MRTFB: variants seen among roughly 807,000 people sequenced by gnomAD.
MRTFB encodes myocardin related transcription factor B.
Under a neutral mutation model 104.2 loss-of-function variants are expected in MRTFB, and 29 were observed. The ratio of observed to expected loss-of-function variants is 0.28; its 90% CI spans 0.21 to 0.38. MRTFB has a LOEUF of 0.38. MRTFB is among the 10% of genes least tolerant of loss of function. MRTFB has a pLI of 1.00. For missense variants in MRTFB, 1,270 were observed against 1,341.6 expected, an observed-to-expected ratio of 0.95 and a Z score of 0.83; for synonymous variants, 535 against 519.5, an observed-to-expected ratio of 1.03 and a Z score of -0.41.
chr16:14,063,899 T>C, the MRTFB span, among the ~76,000 whole-genome samples: 8 of 152,240 alleles, frequency 5.3e-5, no homozygotes, highest in Non-Finnish European at 7.3e-5. Flanking sequence ...AGGTTGATTC[T>C]GTGTCTTTGC....
At chr16:14,223,872 TAAC>T (rs1010260913) in intron 8 of MRTFB, among the ~76,000 whole-genome samples, 12 of 152,198 alleles carry the variant, frequency 7.9e-5, no homozygotes, top group South Asian at 2.1e-4. Context: ...ATGCTTTGCT[TAAC>T]AACAAGGATA....
At chr16:14,146,610 G>A (rs1357878829) in intron 3 of MRTFB, among the ~76,000 whole-genome samples, 1 of 152,186 alleles carries the variant, frequency 6.6e-6, no homozygotes, top group Non-Finnish European at 1.5e-5. Flanking sequence ...ACAGTCAGGT[G>A]AACTTTGCCT....
chr16:14,100,023 A>G (rs1205936695), intron 2 of MRTFB, among the ~76,000 whole-genome samples: 2 of 152,134 alleles, frequency 1.3e-5, no homozygotes, highest in African/African-American at 2.4e-5. Flanking sequence ...TTGGATTTTC[A>G]TAATCATGTT....
chr16:14,025,355 T>C, the MRTFB span, among the ~76,000 whole-genome samples: 1 of 152,194 alleles, frequency 6.6e-6, no homozygotes, highest in East Asian at 1.9e-4. Context: ...TATCAATTTT[T>C]TTATTTTTTG....
At chr16:14,168,673 T>G (rs544766623) in intron 3 of MRTFB, among the ~76,000 whole-genome samples, 4 of 152,254 alleles carry the variant, frequency 2.6e-5, no homozygotes, top group Non-Finnish European at 5.9e-5. Flanking sequence ...CTGAGGCTAG[T>G]ATTAATAAAG....
At chr16:14,186,901 A>G (rs1251973342) in intron 3 of MRTFB, 3 of 1,598,186 alleles carry the variant, frequency 1.9e-6, no homozygotes, top group African/African-American at 2.7e-5. Flanking sequence ...GCCTGTCTTC[A>G]GAAGCCTCTC....
the MRTFB span, among the ~76,000 whole-genome samples, chr16:14,003,410 A>C: frequency 1.3e-5 from 2 of 149,812 alleles, no homozygotes; most frequent in African/African-American, 2.5e-5. Context: ...TCCACCCTCC[A>C]CCCCCGCACG....
chr16:14,178,816 T>C (rs13380782), intron 3 of MRTFB, among the ~76,000 whole-genome samples: 17,184 of 152,004 alleles, frequency 0.11, 2,219 homozygotes, highest in African/African-American at 0.32. Context: ...GTGGCCCCAT[T>C]TCAGCTCACT....
At chr16:14,231,013 C>T (rs2042235187) in intron 8 of MRTFB, among the ~76,000 whole-genome samples, 1 of 151,724 alleles carries the variant, frequency 6.6e-6, no homozygotes, top group Non-Finnish European at 1.5e-5. Context: ...AATCATCATT[C>T]TCAGTAAACT....
At chr16:14,168,217 A>ATGTGTGTGTGTGTGTGTGTG (rs61205256) in intron 3 of MRTFB, among the ~76,000 whole-genome samples, 18 of 148,108 alleles carry the variant, frequency 1.2e-4, no homozygotes, top group African/African-American at 4.5e-4. Context: ...TAAAGATAAA[A>ATGTGTGTGTGTGTGTGTGTG]TGTGTGTGTG....
At chr16:14,151,618 A>G (rs910836476) in intron 3 of MRTFB, 2 of 152,188 alleles carry the variant, frequency 1.3e-5, no homozygotes, top group South Asian at 2.1e-4. Context: ...AGGCAAAATG[A>G]CATTCAGTTT....
chr16:14,200,863 G>A, intron 3 of MRTFB: 1 of 1,454,956 alleles, frequency 6.9e-7, no homozygotes, highest in Non-Finnish European at 9.6e-7. Flanking sequence ...CAACCTGTAT[G>A]GTTACCTCAG....
intron 10 of MRTFB, among the ~76,000 whole-genome samples, chr16:14,244,176 G>A (rs186448526): frequency 1.5e-4 from 23 of 152,196 alleles, no homozygotes; most frequent in Middle Eastern, 3.4e-3. Flanking sequence ...TCATATACAC[G>A]CAATCTTACA....
intron 2 of MRTFB, among the ~76,000 whole-genome samples, chr16:14,103,068 C>G (rs1272659822): frequency 6.6e-6 from 1 of 152,186 alleles, no homozygotes; most frequent in Non-Finnish European, 1.5e-5. Context: ...CACTTACTTC[C>G]TCTGGGATCC....
chr16:14,083,599 C>T (rs1411554747), intron 2 of MRTFB, among the ~76,000 whole-genome samples: 1 of 152,166 alleles, frequency 6.6e-6, no homozygotes, highest in Admixed American at 6.5e-5. Flanking sequence ...CTGTTTCCCC[C>T]ATCTGATGGT....
At position 14,218,957 on chromosome 16, in the gene MRTFB, A is replaced by G; in HGVS notation, c.652A>G (p.Ser218Gly). The G allele has an allele frequency of 6.2e-7, 1 of 1,614,082 alleles. No homozygotes were observed. Among genetic ancestry groups the G allele is most frequent in the Non-Finnish European group, 8.5e-7 (1 of 1,179,978 alleles). Reference protein sequence around the residue: ...SAASPSEPKVSESPSPVTTNT... With the variant: ...SAASPSEPKVGESPSPVTTNT... ...CGCGTCCCCAAGTGAGCCAAAAGTT[A>G]GTGAATCGCCATCTCCTGTGACTAC... is the stretch of plus-strand genomic sequence containing the variant. The change falls in exon 8 of 17, where the codon AGT (serine) becomes GGT (glycine). Residue 218 changes from serine (S) to glycine (G), a missense_variant. Ser to Gly is a moderately conservative substitution (Grantham distance 56). Transcript: ENST00000571589.
chr16:14,256,755 T>A (rs72785435), intron 15 of MRTFB, among the ~76,000 whole-genome samples: 1,998 of 152,340 alleles, frequency 0.013, 20 homozygotes, highest in Non-Finnish European at 0.022. Flanking sequence ...CACAAAACTG[T>A]GACATAATAA....
chr16:14,015,531 A>T, the MRTFB span, among the ~76,000 whole-genome samples: 1 of 152,188 alleles, frequency 6.6e-6, no homozygotes, highest in Non-Finnish European at 1.5e-5. Context: ...AAATACCTGC[A>T]GCCGTATTCC....
chr16:14,220,574 T>C (rs1050938976), intron 8 of MRTFB, among the ~76,000 whole-genome samples: 2 of 152,258 alleles, frequency 1.3e-5, no homozygotes, highest in African/African-American at 2.4e-5. Flanking sequence ...TCCCACACAG[T>C]GAGCTGACAT....
Sources: gnomAD v4.1 joint callset for allele counts (sites outside exome capture counted in the v4.1 genomes callset) on GRCh38, gnomAD v4.1.1 for gene constraint, MANE v1.5 for transcripts, NCBI Gene and HGNC (gene_info 2026-07-23, HGNC 2026-07-21) for gene names.